PCDH9: variants seen among roughly 807,000 people sequenced by gnomAD.
The protein encoded by PCDH9 is protocadherin 9.
A neutral mutation model predicts 70.6 loss-of-function variants in PCDH9; 24 were observed. That is an observed-to-expected ratio of 0.34 (90% confidence interval 0.25 to 0.48). The LOEUF (loss-of-function observed/expected upper bound fraction) is 0.48, where lower values mean the gene tolerates loss of function less well. Ranked by LOEUF, PCDH9 falls within the 20% of genes least tolerant of loss-of-function variation. The pLI is 0.99. For synonymous variants in PCDH9, 562 were observed against 558.5 expected (o/e 1.01, Z -0.09); for missense variants, 1,281 against 1,503.6 (o/e 0.85, Z 2.45).
chr13:66,985,562 A>T (rs2083874798), intron 2 of PCDH9: 1 of 152,018 alleles, frequency 6.6e-6, no homozygotes, highest in South Asian at 2.1e-4. Context: ...GGACTGTATC[A>T]AAGTTTATGG....
At chr13:66,476,202 C>T (rs547656604) in intron 4 of PCDH9, among the ~76,000 whole-genome samples, 52 of 152,100 alleles carry the variant, frequency 3.4e-4, no homozygotes, top group Admixed American at 3.4e-3. Flanking sequence ...TCAAGTTTTC[C>T]TGATGTATCC....
At chr13:66,489,973 G>A (rs1237844445) in intron 4 of PCDH9, among the ~76,000 whole-genome samples, 1 of 152,076 alleles carries the variant, frequency 6.6e-6, no homozygotes, top group African/African-American at 2.4e-5. Context: ...ACAAGCAGTA[G>A]GTAGAAATAC....
intron 2 of PCDH9, among the ~76,000 whole-genome samples, chr13:67,196,304 T>C (rs2089064276): frequency 6.6e-6 from 1 of 152,034 alleles, no homozygotes. Context: ...GAATTGTAAT[T>C]GAGAGGAATA....
chr13:66,737,916 G>A (rs1593980021), intron 3 of PCDH9, among the ~76,000 whole-genome samples: 1 of 151,064 alleles, frequency 6.6e-6, no homozygotes, highest in South Asian at 2.1e-4. Flanking sequence ...GCGAGGCTGG[G>A]GGAGGGGCGC....
At chr13:66,686,417 C>T (rs912699780) in intron 3 of PCDH9, among the ~76,000 whole-genome samples, 1 of 152,148 alleles carries the variant, frequency 6.6e-6, no homozygotes, top group South Asian at 2.1e-4. Context: ...TCAATTAAAC[C>T]TCTTTCCATT....
At chr13:66,795,521 T>C (rs2080227749) in intron 3 of PCDH9, among the ~76,000 whole-genome samples, 2 of 152,124 alleles carry the variant, frequency 1.3e-5, no homozygotes, top group African/African-American at 2.4e-5. Context: ...CATATTCCCA[T>C]TCTTTTATTA....
intron 2 of PCDH9, among the ~76,000 whole-genome samples, chr13:67,175,638 T>A (rs893838583): frequency 3.3e-5 from 5 of 152,126 alleles, no homozygotes; most frequent in Admixed American, 2.0e-4. Flanking sequence ...GTATCTTAGA[T>A]GAATGAAAAA....
At chr13:66,958,992 C>T (rs1374379977) in intron 2 of PCDH9, among the ~76,000 whole-genome samples, 2 of 152,088 alleles carry the variant, frequency 1.3e-5, no homozygotes, top group Non-Finnish European at 2.9e-5. Context: ...GCTTTTCTTC[C>T]ACTTTTAGTA....
chr13:67,163,426 A>G (rs957030890), intron 2 of PCDH9, among the ~76,000 whole-genome samples: 4 of 152,238 alleles, frequency 2.6e-5, no homozygotes, highest in East Asian at 3.8e-4. Context: ...TGTCAAAAAT[A>G]TATGCTCTAA....
chr13:66,716,361 G>A (rs1341976951), intron 3 of PCDH9, among the ~76,000 whole-genome samples: 1 of 152,170 alleles, frequency 6.6e-6, no homozygotes, highest in Admixed American at 6.5e-5. Context: ...GTAATTCATT[G>A]GCTTGTTTAC....
intron 4 of PCDH9, among the ~76,000 whole-genome samples, chr13:66,448,664 C>T (rs1958145615): frequency 2.0e-5 from 3 of 151,930 alleles, no homozygotes; most frequent in Non-Finnish European, 4.4e-5. Context: ...CTAACAAAGG[C>T]AAATTAGACC....
intron 2 of PCDH9, among the ~76,000 whole-genome samples, chr13:66,912,516 C>CACAT (rs1373238197): frequency 6.7e-6 from 1 of 149,300 alleles, no homozygotes; most frequent in African/African-American, 2.5e-5. Flanking sequence ...TAAGTGTGGA[C>CACAT]ACACACACAC....
chr13:66,816,045 C>T (rs1297170579), intron 3 of PCDH9, among the ~76,000 whole-genome samples: 1 of 152,176 alleles, frequency 6.6e-6, no homozygotes, highest in Non-Finnish European at 1.5e-5. Context: ...AATACAAATG[C>T]AGTTACTTTC....
chr13:66,536,013 G>A (rs1960687099), intron 4 of PCDH9, among the ~76,000 whole-genome samples: 2 of 151,958 alleles, frequency 1.3e-5, no homozygotes, highest in Admixed American at 6.6e-5. Flanking sequence ...ATTAAAATGA[G>A]GAAATCAGTT....
chr13:66,710,925 A>G (rs1189413501), intron 3 of PCDH9, among the ~76,000 whole-genome samples: 2 of 152,104 alleles, frequency 1.3e-5, no homozygotes, highest in African/African-American at 4.8e-5. Context: ...TCCTGATTAC[A>G]TTGATCATAT....
chr13:67,025,326 T>A (rs747103245), intron 2 of PCDH9, among the ~76,000 whole-genome samples: 4 of 152,144 alleles, frequency 2.6e-5, no homozygotes, highest in Non-Finnish European at 5.9e-5. Context: ...AACCAACAAG[T>A]CATTTCAAAT....
chr13:66,368,570 C>CGT (rs1491155394), intron 4 of PCDH9, among the ~76,000 whole-genome samples: 1 of 150,472 alleles, frequency 6.6e-6, no homozygotes, highest in Non-Finnish European at 1.5e-5. Flanking sequence ...TATGTATATT[C>CGT]GTGTATATAT....
At chr13:66,357,866 T>C (rs1466181552) in intron 4 of PCDH9, among the ~76,000 whole-genome samples, 2 of 152,022 alleles carry the variant, frequency 1.3e-5, no homozygotes, top group South Asian at 2.1e-4. Flanking sequence ...AAGCAAACAC[T>C]CTTGAAATAT....
chr13:66,964,557 T>C (rs146726725), intron 2 of PCDH9, among the ~76,000 whole-genome samples: 142 of 152,170 alleles, frequency 9.3e-4, no homozygotes, highest in African/African-American at 3.0e-3. Flanking sequence ...ACTCAATCTA[T>C]TTATATCTCA....
Sources: allele counts gnomAD v4.1 joint callset (sites outside exome capture counted in the v4.1 genomes callset), GRCh38; gene constraint gnomAD v4.1.1; transcripts MANE v1.5; gene names NCBI Gene and HGNC (gene_info 2026-07-23, HGNC 2026-07-21).